GPHN: variants seen among roughly 807,000 people sequenced by gnomAD.
The protein encoded by GPHN is gephyrin.
GPHN carries 17 observed loss-of-function variants against 95.5 expected under a neutral mutation model. That is an observed-to-expected ratio of 0.18 (90% CI 0.12 to 0.27). The LOEUF (loss-of-function observed/expected upper bound fraction) is 0.27. GPHN is among the 10% of genes least tolerant of loss of function. The pLI is 1.00. For missense variants in GPHN, 660 were observed against 978.1 expected, an observed-to-expected ratio of 0.67 and a Z score of 4.34; for synonymous variants, 320 against 322.5, an observed-to-expected ratio of 0.99 and a Z score of 0.08.
At chr14:67,243,193 CT>C in the GPHN span, among the ~76,000 whole-genome samples, 47 of 145,952 alleles carry the variant, frequency 3.2e-4, no homozygotes, top group Non-Finnish European at 3.3e-4. Context: ...ATTGTCTTTT[CT>C]TTTTTTTTTT....
rs557778503 is a variant in GPHN, at chr14:67,084,594, C to T, written c.1145-4389C>T. 6.0e-4 allele frequency among the ~76,000 whole-genome samples: 91 copies of T among 152,316 alleles called. 1 individual carries two copies. Among genetic ancestry groups the T allele is most frequent in the Non-Finnish European group, 8.1e-4 (55 of 68,026 alleles). On this transcript the variant is annotated intron_variant, in intron 11 of 22. Coordinates refer to ENST00000478722, the MANE Select transcript of GPHN (RefSeq NM_020806.5). Reference sequence around the variant, plus strand: ...TCTCTGTCTTTCTCTTTCTCTCATGCACTGTGCTTGTGAATTCCTTGAGGA... The same window carrying T: ...TCTCTGTCTTTCTCTTTCTCTCATGTACTGTGCTTGTGAATTCCTTGAGGA...
chr14:66,928,381 T>C (rs1261856727), intron 8 of GPHN, among the ~76,000 whole-genome samples: 1 of 152,178 alleles, frequency 6.6e-6, no homozygotes, highest in African/African-American at 2.4e-5. Context: ...TGTCTCCTTT[T>C]TCATCTCTGA....
chr14:66,631,784 A>G (rs2063821602), intron 1 of GPHN, among the ~76,000 whole-genome samples: 1 of 152,136 alleles, frequency 6.6e-6, no homozygotes, highest in East Asian at 1.9e-4. Context: ...TCTACTTTAT[A>G]TATTTTCTAT....
At chr14:67,261,795 A>G in the GPHN span, among the ~76,000 whole-genome samples, 2 of 152,032 alleles carry the variant, frequency 1.3e-5, no homozygotes, top group African/African-American at 4.8e-5. Flanking sequence ...TGAGCAATAG[A>G]TATCTTGTTA....
At chr14:67,485,270 C>A in the GPHN span, among the ~76,000 whole-genome samples, 1 of 152,188 alleles carries the variant, frequency 6.6e-6, no homozygotes, top group Admixed American at 6.5e-5. Context: ...TCTTTACCCC[C>A]AACTCCCCTC....
chr14:66,634,867 A>G (rs1017492907), intron 1 of GPHN, among the ~76,000 whole-genome samples: 3 of 152,218 alleles, frequency 2.0e-5, no homozygotes, highest in South Asian at 2.1e-4. Flanking sequence ...ACTAACTACT[A>G]TTAGACATGT....
the GPHN span, among the ~76,000 whole-genome samples, chr14:67,417,497 T>A: frequency 6.6e-6 from 1 of 152,038 alleles, no homozygotes; most frequent in Non-Finnish European, 1.5e-5. Context: ...AATGGTGCCA[T>A]CATAGCTCAC....
intron 18 of GPHN, among the ~76,000 whole-genome samples, chr14:67,151,454 T>C (rs563026126): frequency 3.7e-4 from 56 of 152,166 alleles, no homozygotes; most frequent in Non-Finnish European, 5.1e-4. Flanking sequence ...GATTAGACCA[T>C]AAAACCAAAT....
At chr14:66,659,471 G>C (rs1001623866) in intron 1 of GPHN, among the ~76,000 whole-genome samples, 1 of 151,984 alleles carries the variant, frequency 6.6e-6, no homozygotes, top group Non-Finnish European at 1.5e-5. Flanking sequence ...GAGTTCTTCT[G>C]TATCTTTGTT....
At chr14:67,371,661 T>G in the GPHN span, among the ~76,000 whole-genome samples, 5 of 152,314 alleles carry the variant, frequency 3.3e-5, no homozygotes, top group African/African-American at 1.2e-4. Context: ...TGGTAAATAT[T>G]TGTGTACCTA....
the GPHN span, among the ~76,000 whole-genome samples, chr14:67,595,325 G>A: frequency 0.015 from 2,299 of 152,246 alleles, 68 homozygotes; most frequent in African/African-American, 0.052. Flanking sequence ...TTGAAGTACC[G>A]TTCCTACTGA....
chr14:66,772,988 C>T (rs1404660963), intron 2 of GPHN, among the ~76,000 whole-genome samples: 1 of 149,976 alleles, frequency 6.7e-6, no homozygotes, highest in South Asian at 2.1e-4. Flanking sequence ...ACTTTTTTTT[C>T]CCCCTTCTTC....
chr14:67,072,061 A>G (rs2076332377), intron 11 of GPHN, among the ~76,000 whole-genome samples: 2 of 152,092 alleles, frequency 1.3e-5, no homozygotes, highest in African/African-American at 4.8e-5. Flanking sequence ...CACATTTTCT[A>G]TATACATGTC....
At chr14:67,670,615 G>GC in the GPHN span, among the ~76,000 whole-genome samples, 1 of 151,306 alleles carries the variant, frequency 6.6e-6, no homozygotes. Flanking sequence ...TGCAATCTCT[G>GC]CCCCCTGGGT....
the GPHN span, among the ~76,000 whole-genome samples, chr14:67,578,835 A>G: frequency 6.6e-6 from 1 of 152,196 alleles, no homozygotes; most frequent in Non-Finnish European, 1.5e-5. This position sits in a 1 kb window ranked among gnomAD's most constrained non-coding sequence, Gnocchi z 5.0. Context: ...ACGCCAATCC[A>G]TGTATCCACG....
chr14:66,855,932 A>G (rs117826051), intron 4 of GPHN, among the ~76,000 whole-genome samples: 1,834 of 152,156 alleles, frequency 0.012, 19 homozygotes, highest in Non-Finnish European at 0.018. Context: ...GACACTTACC[A>G]TTTTCTTTTA....
intron 18 of GPHN, among the ~76,000 whole-genome samples, chr14:67,147,799 C>T (rs754362869): frequency 3.3e-5 from 5 of 152,170 alleles, no homozygotes; most frequent in Non-Finnish European, 5.9e-5. Flanking sequence ...TGAAATATTT[C>T]TATTAATAAC....
At chr14:66,994,858 T>C (rs895838895) in intron 9 of GPHN, among the ~76,000 whole-genome samples, 1 of 152,198 alleles carries the variant, frequency 6.6e-6, no homozygotes, top group African/African-American at 2.4e-5. Flanking sequence ...AGCACAAATC[T>C]TTGTGATAGT....
chr14:66,862,236 C>T (rs889425512), intron 4 of GPHN, among the ~76,000 whole-genome samples: 10 of 151,864 alleles, frequency 6.6e-5, no homozygotes, highest in African/African-American at 2.4e-4. Flanking sequence ...TTAGAAAACC[C>T]AGAAGAAATG....
Sources: gnomAD v4.1 joint callset for allele counts (sites outside exome capture counted in the v4.1 genomes callset) on GRCh38, gnomAD v4.1.1 for gene constraint, Gnocchi (gnomAD v3.1) non-coding constraint, MANE v1.5 for transcripts, NCBI Gene and HGNC (gene_info 2026-07-23, HGNC 2026-07-21) for gene names.